The following PLEKHA7 variants were observed in gnomAD, a reference collection of about 807,000 sequenced individuals.
PLEKHA7 encodes the protein pleckstrin homology domain containing A7.
Under a neutral mutation model 170.0 loss-of-function variants are expected in PLEKHA7, and 104 were observed. That is an observed-to-expected ratio of 0.61 (90% CI 0.52 to 0.72). The LOEUF (loss-of-function observed/expected upper bound fraction) is 0.72, where lower values mean the gene tolerates loss of function less well. Ranked by LOEUF, PLEKHA7 falls within the 30% of genes least tolerant of loss-of-function variation. PLEKHA7 has a pLI of 0.00. For missense variants in PLEKHA7, 1,615 were observed against 1,671.7 expected (o/e 0.97, Z 0.59); for synonymous variants, 648 against 660.8 (o/e 0.98, Z 0.30).
intron 3 of PLEKHA7, among the ~76,000 whole-genome samples, chr11:16,921,121 A>AT (rs1357619989): frequency 2.0e-5 from 3 of 151,970 alleles, no homozygotes; most frequent in Admixed American, 6.6e-5. Context: ...TTCCTTTTAC[A>AT]TTTTTTTTCT....
chr11:16,820,787 T>C (rs1397678962), intron 10 of PLEKHA7, among the ~76,000 whole-genome samples: 1 of 152,088 alleles, frequency 6.6e-6, no homozygotes, highest in East Asian at 1.9e-4. Flanking sequence ...GCACCTCAAA[T>C]CCCTAAGCTC....
At chr11:16,805,225 A>G (rs1230950563) in intron 13 of PLEKHA7, among the ~76,000 whole-genome samples, 3 of 152,130 alleles carry the variant, frequency 2.0e-5, no homozygotes, top group Admixed American at 6.5e-5. Flanking sequence ...TGTCTTTTTG[A>G]TACTTAAATA....
chr11:16,892,811 T>C (rs1386391598), intron 3 of PLEKHA7, among the ~76,000 whole-genome samples: 2 of 152,060 alleles, frequency 1.3e-5, no homozygotes, highest in African/African-American at 2.4e-5. Context: ...TATGTTGAAC[T>C]TTGTTTTATT....
chr11:16,819,707 T>C (rs1394957816), intron 10 of PLEKHA7, among the ~76,000 whole-genome samples: 1 of 152,138 alleles, frequency 6.6e-6, no homozygotes. Context: ...GAAAGACAAA[T>C]ACCGTGTATG....
chr11:16,779,719 G>T (rs1003622451), intron 26 of PLEKHA7, among the ~76,000 whole-genome samples: 1 of 152,128 alleles, frequency 6.6e-6, no homozygotes, highest in South Asian at 2.1e-4. Flanking sequence ...TGTGAGGCAC[G>T]GGGAGCACCC....
At chr11:16,992,142 G>A (rs1256217474) in intron 3 of PLEKHA7, among the ~76,000 whole-genome samples, 2 of 152,144 alleles carry the variant, frequency 1.3e-5, no homozygotes, top group East Asian at 1.9e-4. Flanking sequence ...TGAAAGCTAC[G>A]TGACTCTGTG....
chr11:16,792,509 G>C (rs1050784303), intron 19 of PLEKHA7, among the ~76,000 whole-genome samples: 2 of 150,242 alleles, frequency 1.3e-5, no homozygotes, highest in Non-Finnish European at 2.9e-5. Flanking sequence ...ACAGTGTTTA[G>C]GAGTCAACAC....
chr11:16,825,798 T>A (rs1367425926), intron 10 of PLEKHA7, among the ~76,000 whole-genome samples: 1 of 152,252 alleles, frequency 6.6e-6, no homozygotes, highest in East Asian at 1.9e-4. Flanking sequence ...ACATGCTGAA[T>A]GTCTCAAGGC....
chr11:16,946,779 G>A (rs923759770), intron 3 of PLEKHA7, among the ~76,000 whole-genome samples: 3 of 151,834 alleles, frequency 2.0e-5, no homozygotes, highest in Non-Finnish European at 4.4e-5. Flanking sequence ...GTTAGACTCG[G>A]GCTCCAGCAA....
intron 17 of PLEKHA7, chr11:16,795,267 C>G (rs187093762): frequency 1.9e-4 from 94 of 494,594 alleles, no homozygotes; most frequent in Non-Finnish European, 3.1e-4. Context: ...AATTTAAAAA[C>G]AGACTGCCGT....
rs1167585342 is a variant in PLEKHA7 at position 16,791,101 on chromosome 11, G to A, written c.2844C>T (p.Ile948=). ...TGAGGCCCCGCACAGATGTGTGCCG[G>A]ATGATGGTGGCCTCTCTTGGCAGAG... ...VPPLPREATI[I]RHTSVRGLKR... The change falls in exon 20 of 27, where the codon ATC becomes ATT. Residue 948 remains isoleucine (I), a synonymous_variant. Transcript: ENST00000531066. The surrounding 1 kb of genome is among the most constrained non-coding windows in gnomAD (Gnocchi z 4.5). 6.2e-7 allele frequency: 1 copy of A among 1,614,170 alleles called. No homozygotes were observed.
intron 10 of PLEKHA7, among the ~76,000 whole-genome samples, chr11:16,822,071 C>G (rs992021988): frequency 3.3e-5 from 5 of 152,108 alleles, no homozygotes; most frequent in African/African-American, 4.8e-5. Context: ...AACTTCTCAT[C>G]CTTTAGGTCT....
intron 3 of PLEKHA7, among the ~76,000 whole-genome samples, chr11:16,911,485 G>T (rs1858241870): frequency 6.6e-6 from 1 of 152,176 alleles, no homozygotes; most frequent in African/African-American, 2.4e-5. Context: ...CCAAAAAGGA[G>T]TGCAATCTTT....
chr11:16,806,122 G>A (rs370378439), intron 13 of PLEKHA7, among the ~76,000 whole-genome samples: 50 of 152,286 alleles, frequency 3.3e-4, no homozygotes, highest in East Asian at 2.1e-3. Flanking sequence ...GAAGAAATTC[G>A]GGCAATGTTT....
chr11:16,837,553 C>T (rs959823132), intron 9 of PLEKHA7, among the ~76,000 whole-genome samples: 8 of 151,988 alleles, frequency 5.3e-5, no homozygotes, highest in African/African-American at 1.9e-4. Context: ...AAATGGAAGG[C>T]GGGGCACAAA....
chr11:16,961,168 GAA>G (rs1237183813), intron 3 of PLEKHA7, among the ~76,000 whole-genome samples: 1 of 152,164 alleles, frequency 6.6e-6, no homozygotes, highest in East Asian at 1.9e-4. Context: ...GTCATTCAGC[GAA>G]GTTTCCTCAG....
chr11:16,881,109 G>A lies in PLEKHA7; in HGVS notation c.222-9927C>T, dbSNP rs558043279. Among the ~76,000 whole-genome samples, 19 of 152,304 alleles carry A rather than the reference G, an allele frequency of 1.2e-4. No individual in the cohort carries two copies. In the South Asian group the frequency reaches 3.9e-3, roughly 32 times the overall value. ...TATTTATGCCCAATTACATTGGATG[G>A]TGGTTGTTTTTATTTAACTGTAGGT... On this transcript the variant is annotated intron_variant, in intron 3 of 26. Coordinates refer to ENST00000531066, the MANE Select transcript of PLEKHA7 (RefSeq NM_001329630.2).
chr11:16,806,436 C>T (rs968500464), intron 13 of PLEKHA7, among the ~76,000 whole-genome samples: 52 of 152,344 alleles, frequency 3.4e-4, no homozygotes, highest in African/African-American at 1.2e-3. Flanking sequence ...AAGTAAAAGT[C>T]TGTGGGTGCT....
At chr11:16,958,528 C>T (rs1395689549) in intron 3 of PLEKHA7, among the ~76,000 whole-genome samples, 2 of 152,172 alleles carry the variant, frequency 1.3e-5, no homozygotes, top group Non-Finnish European at 2.9e-5. Flanking sequence ...GAGTGATTAA[C>T]TCTGGATGGA....
Sources: gnomAD v4.1 joint callset for allele counts (sites outside exome capture counted in the v4.1 genomes callset) on GRCh38, gnomAD v4.1.1 for gene constraint, Gnocchi (gnomAD v3.1) non-coding constraint, MANE v1.5 for transcripts, NCBI Gene and HGNC (gene_info 2026-07-23, HGNC 2026-07-21) for gene names.